The following LRRC7 variants were observed in gnomAD, a reference collection of about 807,000 sequenced individuals.
LRRC7 encodes leucine-rich repeat-containing protein 7.
In LRRC7, 23 loss-of-function variants were observed where a neutral mutation model predicts 175.7. The ratio of observed to expected loss-of-function variants is 0.13; its 90% CI spans 0.09 to 0.19. The LOEUF (loss-of-function observed/expected upper bound fraction) is 0.19, where lower values mean the gene tolerates loss of function less well. Ranked by LOEUF, LRRC7 falls within the 10% of genes least tolerant of loss-of-function variation. LRRC7 has a pLI of 1.00. For synonymous variants in LRRC7, 685 were observed against 680.9 expected, an observed-to-expected ratio of 1.01 and a Z score of -0.09; for missense variants, 1,354 against 1,904.7, an observed-to-expected ratio of 0.71 and a Z score of 5.38.
intron 1 of LRRC7, among the ~76,000 whole-genome samples, chr1:69,639,908 G>T (rs1258969831): frequency 6.6e-6 from 1 of 151,656 alleles, no homozygotes; most frequent in Non-Finnish European, 1.5e-5. Flanking sequence ...AAAGAGGAAA[G>T]AAAATAGCTG....
intron 2 of LRRC7, among the ~76,000 whole-genome samples, chr1:69,694,147 T>C (rs1662257008): frequency 6.6e-6 from 1 of 152,196 alleles, no homozygotes; most frequent in Admixed American, 6.5e-5. Flanking sequence ...CCAAGGCCTC[T>C]TGTAACTTGC....
At chr1:70,020,272 A>T (rs962051670) in intron 15 of LRRC7, among the ~76,000 whole-genome samples, 4 of 151,956 alleles carry the variant, frequency 2.6e-5, no homozygotes, top group African/African-American at 9.7e-5. Flanking sequence ...TTTTCATGTG[A>T]TCTTTGCCAT....
chr1:70,098,302 C>T (rs1431543945), intron 25 of LRRC7, among the ~76,000 whole-genome samples: 1 of 152,014 alleles, frequency 6.6e-6, no homozygotes, highest in Non-Finnish European at 1.5e-5. Context: ...ACCAAAATCT[C>T]TGGGACGCAT....
chr1:69,783,580 GTC>G (rs1214725295), intron 3 of LRRC7, among the ~76,000 whole-genome samples: 2 of 151,840 alleles, frequency 1.3e-5, no homozygotes, highest in Admixed American at 1.3e-4. Context: ...GCGGAACCCT[GTC>G]TCTACTAAAA....
chr1:69,721,911 A>G (rs1666396383), intron 2 of LRRC7, among the ~76,000 whole-genome samples: 1 of 151,888 alleles, frequency 6.6e-6, no homozygotes, highest in African/African-American at 2.4e-5. Flanking sequence ...TGTATACTTC[A>G]GTGGCATTAA....
At chr1:69,813,181 A>G (rs1019254889) in intron 4 of LRRC7, among the ~76,000 whole-genome samples, 6 of 152,084 alleles carry the variant, frequency 3.9e-5, no homozygotes, top group Non-Finnish European at 7.4e-5. Context: ...TATATGGTTC[A>G]AATTCTATAG....
Position 70,076,211 on chromosome 1 carries a change from C to T in LRRC7, c.4365C>T (p.Pro1455=), listed in dbSNP as rs775328765. ...QFQSPLPIQI[P]SSQATRGPQP... Reference sequence around the variant, plus strand: ...AGTCACCATTGCCTATTCAGATCCCCTCTTCACAGGCCACCCGGGGACCTC... The same window carrying T: ...AGTCACCATTGCCTATTCAGATCCCTTCTTCACAGGCCACCCGGGGACCTC... The change falls in exon 24 of 27, where the codon CCC becomes CCT. Residue 1455 remains proline (P), a synonymous_variant. Transcript: ENST00000651989. 4 of 1,614,106 alleles carry T rather than the reference C, an allele frequency of 2.5e-6. No homozygotes were observed. The highest frequency in any genetic ancestry group is 3.4e-6 in the Non-Finnish European group (4 of 1,179,990).
intron 7 of LRRC7, among the ~76,000 whole-genome samples, chr1:69,876,996 A>T (rs991463270): frequency 2.0e-5 from 3 of 152,128 alleles, no homozygotes; most frequent in Non-Finnish European, 4.4e-5. Flanking sequence ...AGTCTTTCAA[A>T]CCATAAATTG....
chr1:69,904,044 G>C (rs1414692822), intron 7 of LRRC7, among the ~76,000 whole-genome samples: 1 of 152,182 alleles, frequency 6.6e-6, no homozygotes, highest in Non-Finnish European at 1.5e-5. Context: ...TCCAGGACTA[G>C]ATAGATTCAC....
chr1:69,812,140 A>C (rs1200556971), intron 4 of LRRC7, among the ~76,000 whole-genome samples: 2 of 152,146 alleles, frequency 1.3e-5, no homozygotes, highest in African/African-American at 4.8e-5. Context: ...GTTGTGCTTT[A>C]AACACGGAGT....
At chr1:70,052,373 A>G (rs1289255599) in intron 22 of LRRC7, among the ~76,000 whole-genome samples, 6 of 152,026 alleles carry the variant, frequency 3.9e-5, no homozygotes, top group African/African-American at 9.7e-5. Flanking sequence ...ATTTTAATAT[A>G]TATCATTTAT....
chr1:69,839,338 T>C (rs1004395007), intron 7 of LRRC7, among the ~76,000 whole-genome samples: 1 of 152,012 alleles, frequency 6.6e-6, no homozygotes, highest in Non-Finnish European at 1.5e-5. Flanking sequence ...ACCTCCTTAA[T>C]CCTCCATAAG....
chr1:70,102,217 T>G (rs1290257403), intron 25 of LRRC7, among the ~76,000 whole-genome samples: 1 of 152,164 alleles, frequency 6.6e-6, no homozygotes, highest in Non-Finnish European at 1.5e-5. Flanking sequence ...CAGATGGGAC[T>G]CATGTCCACT....
intron 1 of LRRC7, among the ~76,000 whole-genome samples, chr1:69,614,385 A>G (rs985413816): frequency 1.3e-5 from 2 of 152,070 alleles, no homozygotes; most frequent in African/African-American, 4.8e-5. Context: ...ATTTCAAGCA[A>G]TATCAAATAC....
intron 13 of LRRC7, among the ~76,000 whole-genome samples, chr1:70,013,438 A>T (rs1479448355): frequency 2.0e-5 from 3 of 151,862 alleles, no homozygotes; most frequent in African/African-American, 7.2e-5. Context: ...GTGCATATCT[A>T]TGTATGTATG....
chr1:69,861,360 C>G (rs1684338029), intron 7 of LRRC7, among the ~76,000 whole-genome samples: 1 of 152,086 alleles, frequency 6.6e-6, no homozygotes, highest in Admixed American at 6.6e-5. Flanking sequence ...GCAGACACAA[C>G]TTAATATGAC....
At chr1:69,718,126 AAAAG>A (rs1392867643) in intron 2 of LRRC7, among the ~76,000 whole-genome samples, 5 of 32,264 alleles carry the variant, frequency 1.5e-4, no homozygotes, top group African/African-American at 5.3e-4. Flanking sequence ...AGAAAGAAAG[AAAAG>A]AAAGAAAGAG....
rs533195731 is a variant in LRRC7, at chr1:69,925,009, AG to A, written c.648-6495del. 4.8e-3 allele frequency among the ~76,000 whole-genome samples: 731 copies of A among 152,296 alleles called. 10 individuals carry two copies. The highest frequency in any genetic ancestry group is 0.016 in the African/African-American group (674 of 41,570). On this transcript the variant is annotated intron_variant, in intron 7 of 26. Coordinates refer to ENST00000651989, the MANE Select transcript of LRRC7 (RefSeq NM_001370785.2). The stretch of plus-strand genomic sequence containing the variant: ...AATTTATTGAGAGTTTTTAGCATGA[AG>A]GGTTGTTGAATTTTGTCAAAGGCCT...
chr1:69,819,554 GCT>G (rs147116955), intron 4 of LRRC7, among the ~76,000 whole-genome samples: 37,325 of 133,064 alleles, frequency 0.28, 6,525 homozygotes, highest in East Asian at 0.42. Flanking sequence ...TGAATGGAAT[GCT>G]CTCTCTCTCT....
Sources: allele counts gnomAD v4.1 joint callset (sites outside exome capture counted in the v4.1 genomes callset), GRCh38; gene constraint gnomAD v4.1.1; transcripts MANE v1.5; gene names NCBI Gene and HGNC (gene_info 2026-07-23, HGNC 2026-07-21).